The following ECHDC1 variants were observed in gnomAD, a reference collection of about 807,000 sequenced individuals.
The protein encoded by ECHDC1 is ethylmalonyl-CoA decarboxylase 1.
In ECHDC1, 29 loss-of-function variants were observed where a neutral mutation model predicts 29.7. The observed-to-expected ratio is 0.98, with a 90% CI of 0.73 to 1.33. The LOEUF (loss-of-function observed/expected upper bound fraction) is 1.33, where lower values mean the gene tolerates loss of function less well. Ranked by LOEUF, ECHDC1 falls within the 40% of genes most tolerant of loss-of-function variation. The pLI, the probability that ECHDC1 is intolerant of heterozygous loss-of-function variation, is 0.00. For synonymous variants in ECHDC1, 126 were observed against 123.1 expected (o/e 1.02, Z -0.15); for missense variants, 328 against 350.0 (o/e 0.94, Z 0.50).
chr6:127,334,796 C>T (rs1784291111), intron 1 of ECHDC1, among the ~76,000 whole-genome samples: 1 of 151,942 alleles, frequency 6.6e-6, no homozygotes, highest in Non-Finnish European at 1.5e-5. Context: ...AAAGTGATTC[C>T]CCAAGTAAAG....
At chr6:127,316,993 T>C (rs1418064019) in intron 3 of ECHDC1, among the ~76,000 whole-genome samples, 1 of 152,158 alleles carries the variant, frequency 6.6e-6, no homozygotes, top group Admixed American at 6.6e-5. Context: ...CCTTGTCTTT[T>C]TTTTAGCTCA....
At chr6:127,298,070 T>G (rs1780759489) in intron 5 of ECHDC1, among the ~76,000 whole-genome samples, 1 of 152,162 alleles carries the variant, frequency 6.6e-6, no homozygotes, top group African/African-American at 2.4e-5. Context: ...TTGGACACAG[T>G]ACAATACTTT....
chr6:127,314,003 A>G (rs1277998084), intron 5 of ECHDC1, among the ~76,000 whole-genome samples: 1 of 152,204 alleles, frequency 6.6e-6, no homozygotes, highest in East Asian at 1.9e-4. Flanking sequence ...AAAGTGTCAA[A>G]CTGGGATTCA....
intron 5 of ECHDC1, among the ~76,000 whole-genome samples, chr6:127,291,028 G>C (rs561795440): frequency 6.2e-4 from 94 of 152,212 alleles, no homozygotes; most frequent in African/African-American, 2.1e-3. Context: ...AGAAGGAATT[G>C]CAAGTGCAAA....
intron 1 of ECHDC1, chr6:127,331,947 AT>A: frequency 1.1e-6 from 1 of 875,340 alleles, no homozygotes; most frequent in African/African-American, 1.8e-5. Flanking sequence ...TCTCCTCTTA[AT>A]TTTTACCTCC....
intron 2 of ECHDC1, among the ~76,000 whole-genome samples, chr6:127,328,898 G>A (rs1783634650): frequency 6.6e-6 from 1 of 152,020 alleles, no homozygotes; most frequent in African/African-American, 2.4e-5. Flanking sequence ...GTGGTGGCAG[G>A]CGCCTGTAGT....
At chr6:127,321,445 T>C (rs1782817060) in intron 3 of ECHDC1, among the ~76,000 whole-genome samples, 1 of 152,240 alleles carries the variant, frequency 6.6e-6, no homozygotes, top group African/African-American at 2.4e-5. Context: ...AGATTTATAG[T>C]TCCTTCTCAA....
intron 5 of ECHDC1, chr6:127,313,333 T>C (rs148141138): frequency 0.012 from 2,685 of 227,298 alleles, 35 homozygotes; most frequent in Non-Finnish European, 0.02. Context: ...ACTCCCAAGT[T>C]GTAGGACTAC....
At chr6:127,305,470 A>T (rs1396966640) in intron 5 of ECHDC1, among the ~76,000 whole-genome samples, 1 of 152,194 alleles carries the variant, frequency 6.6e-6, no homozygotes, top group Non-Finnish European at 1.5e-5. Context: ...AGCCATAAGA[A>T]ATCATCTGAA....
chr6:127,297,964 A>AT, intron 5 of ECHDC1, among the ~76,000 whole-genome samples: 1 of 152,342 alleles, frequency 6.6e-6, no homozygotes, highest in South Asian at 2.1e-4. Flanking sequence ...AGGAGCTCGG[A>AT]TAACACCTCA....
chr6:127,331,892 G>A, intron 1 of ECHDC1: 1 of 985,248 alleles, frequency 1.0e-6, no homozygotes, highest in Non-Finnish European at 1.2e-6. Context: ...GAGGGAAATA[G>A]GAATGTGTGT....
chr6:127,330,184 C>A (rs774872076), intron 2 of ECHDC1, among the ~76,000 whole-genome samples: 18 of 152,150 alleles, frequency 1.2e-4, no homozygotes, highest in Middle Eastern at 3.2e-3. Context: ...ATTTGAGCTT[C>A]AGCAAAAATT....
chr6:127,314,111 C>T (rs1192424030), intron 5 of ECHDC1, among the ~76,000 whole-genome samples: 1 of 152,138 alleles, frequency 6.6e-6, no homozygotes, highest in East Asian at 1.9e-4. Flanking sequence ...TATAAAGAGG[C>T]TCCAGTATGT....
chr6:127,320,367 AG>A (rs1397585320), intron 3 of ECHDC1, among the ~76,000 whole-genome samples: 1 of 152,198 alleles, frequency 6.6e-6, no homozygotes, highest in Non-Finnish European at 1.5e-5. Context: ...AGCAAACACA[AG>A]GAAGTCAGAC....
chr6:127,322,969 C>T (rs1377228457), intron 3 of ECHDC1, among the ~76,000 whole-genome samples: 2 of 152,076 alleles, frequency 1.3e-5, no homozygotes, highest in East Asian at 3.9e-4. Flanking sequence ...GAAATCTAAA[C>T]GCTCCAAAAT....
rs1020799581 is a variant in ECHDC1 at position 127,343,349 on chromosome 6, G to T, written c.-16C>A. The stretch of plus-strand genomic sequence containing the variant: ...ACGACCACTTACCGTCGCAGGCCAC[G>T]GTGGTGACTTCCTTTTCCGCTCCCC... On this transcript the variant is annotated 5_prime_UTR_variant, in exon 1 of 6. Coordinates refer to ENST00000454859, the MANE Select transcript of ECHDC1 (RefSeq NM_001002030.2). The T allele has an allele frequency of 2.6e-5, 4 of 152,354 alleles. No homozygotes were observed. Among genetic ancestry groups the T allele is most frequent in the Non-Finnish European group, 5.9e-5 (4 of 68,226 alleles). 9.4% of individuals were successfully genotyped at this position (152,354 alleles called of 1,614,324 possible). A position where few individuals can be genotyped will look rare whatever the true frequency, so the allele number is the denominator to read the frequency against.
intron 5 of ECHDC1, among the ~76,000 whole-genome samples, chr6:127,302,020 C>A (rs1188286161): frequency 1.3e-5 from 2 of 152,102 alleles, no homozygotes; most frequent in Non-Finnish European, 2.9e-5. Flanking sequence ...CCTGGTATAT[C>A]CAGATACTGA....
At chr6:127,302,695 C>T (rs1277691359) in intron 5 of ECHDC1, among the ~76,000 whole-genome samples, 1 of 152,140 alleles carries the variant, frequency 6.6e-6, no homozygotes, top group Non-Finnish European at 1.5e-5. Context: ...CCACTGTGCC[C>T]AGCCTTAAAA....
At chr6:127,322,546 A>G (rs1782917402) in intron 3 of ECHDC1, among the ~76,000 whole-genome samples, 1 of 152,070 alleles carries the variant, frequency 6.6e-6, no homozygotes, top group Non-Finnish European at 1.5e-5. Flanking sequence ...GAACTTTACT[A>G]AGTGATTCCT....
Sources: gnomAD v4.1 joint callset for allele counts (sites outside exome capture counted in the v4.1 genomes callset) on GRCh38, gnomAD v4.1.1 for gene constraint, MANE v1.5 for transcripts, NCBI Gene and HGNC (gene_info 2026-07-23, HGNC 2026-07-21) for gene names.